ZNF541: variants seen among roughly 807,000 people sequenced by gnomAD.
ZNF541 encodes zinc finger protein 541.
ZNF541 carries 23 observed loss-of-function variants against 123.5 expected under a neutral mutation model. The ratio of observed to expected loss-of-function variants is 0.19; its 90% CI spans 0.13 to 0.26. The LOEUF is 0.26. Ranked by LOEUF, ZNF541 falls within the 10% of genes least tolerant of loss-of-function variation. The pLI, the probability that ZNF541 is intolerant of heterozygous loss-of-function variation, is 1.00. For missense variants in ZNF541, 1,612 were observed against 1,789.9 expected (o/e 0.90, Z 1.79); for synonymous variants, 751 against 754.5 (o/e 1.00, Z 0.08).
rs1241384237 is a variant in ZNF541 at position 47,545,827 on chromosome 19, C to T, written c.702G>A (p.Glu234=). 16 of 1,548,188 alleles carry T rather than the reference C, an allele frequency of 1.0e-5. No homozygotes were observed. The South Asian group carries it at 1.9e-4, about 18-fold the overall frequency. The part of the protein sequence containing the change: ...CILKEAPPEE[E]ACGDSPHAHE... ...GGGCGTGGGGGGAGTCCCCGCAGGC[C>T]TCTTCCTCCGGGGGGGCTTCCTTCA... Residue 234 remains glutamate, a synonymous_variant, in exon 5 of 17, where the codon GAG becomes GAA. Transcript: ENST00000391901. This position sits in a 1 kb window ranked among gnomAD's most constrained non-coding sequence, Gnocchi z 7.5.
At chr19:47,554,201 A>G (rs1280446391) in intron 3 of ZNF541, among the ~76,000 whole-genome samples, 4 of 152,190 alleles carry the variant, frequency 2.6e-5, no homozygotes, top group African/African-American at 7.2e-5. Context: ...TGGAAGGCCA[A>G]GGTAGGCAGA....
intron 14 of ZNF541, among the ~76,000 whole-genome samples, chr19:47,526,685 C>G (rs1315818588): frequency 2.0e-5 from 3 of 152,112 alleles, no homozygotes; most frequent in Non-Finnish European, 2.9e-5. Flanking sequence ...CTGGCCCTAC[C>G]CAGGGCTAGC....
rs1183618157 is a variant in ZNF541, at chr19:47,531,717, G to A, written c.3330C>T (p.Ser1110=). 6.5e-7 allele frequency: 1 copy of A among 1,548,726 alleles called. No homozygotes were observed. The highest frequency in any genetic ancestry group is 1.2e-5 in the South Asian group (1 of 83,900). The part of the protein sequence containing the change: ...RVTELCNVAC[S]SVMPGGGTNL... ...TGGTGCCCCCTCCTGGCATCACGCT[G>A]GAGCATGCCACATTGCAGAGCTCGG... Residue 1110 remains serine, a synonymous_variant, in exon 12 of 17, where the codon TCC becomes TCT. Transcript: ENST00000391901.
At chr19:47,525,023 G>A (rs1410468592) in intron 14 of ZNF541, among the ~76,000 whole-genome samples, 1 of 151,848 alleles carries the variant, frequency 6.6e-6, no homozygotes, top group African/African-American at 2.4e-5. Context: ...GGTGGCTCAC[G>A]CCTGTAATCC....
At position 47,521,022 on chromosome 19, in the gene ZNF541, C is replaced by T. The variant is rs1968998212; in HGVS notation, c.*202G>A. The T allele has an allele frequency of 1.6e-6, 1 of 606,290 alleles. No homozygotes were observed. Among genetic ancestry groups the T allele is most frequent in the Non-Finnish European group, 2.9e-6 (1 of 350,072 alleles). 37.6% of individuals were successfully genotyped at this position (606,290 alleles called of 1,614,324 possible). On this transcript the variant is annotated 3_prime_UTR_variant, in exon 17 of 17. Transcript: ENST00000391901. The surrounding 1 kb of genome is among the most constrained non-coding windows in gnomAD (Gnocchi z 4.2). The stretch of plus-strand genomic sequence containing the variant: ...AAGGAGAGTGGAGCCTCCAGCACCA[C>T]CGGACAGGGACTGCATAGCTGTCCG...
chr19:47,549,439 T>G lies in ZNF541; in HGVS notation c.354A>C (p.Gly118=), dbSNP rs1446914231. ...TCCTGGCACTCCCCGAGGTGGCCCT[T>G]CCTCCTTCGTCAGCCTCTTTAGCCT... ...VLKAKEADEG[G]RATSGSARKG... is the part of the protein sequence containing the mutation. The change falls in exon 4 of 17, where the codon GGA becomes GGC. Residue 118 remains glycine (G), a synonymous_variant. Coordinates refer to ENST00000391901, the MANE Select transcript of ZNF541 (RefSeq NM_001277075.3). 1 of 1,551,634 alleles carries G rather than the reference T, an allele frequency of 6.4e-7. No homozygotes were observed. Among genetic ancestry groups the G allele is most frequent in the Non-Finnish European group, 8.7e-7 (1 of 1,146,984 alleles).
In ZNF541 at chr19:47,568,435, G is replaced by A. The variant is rs954150954; in HGVS notation, c.-99+3461C>T. On this transcript the variant is annotated intron_variant, in intron 2 of 16. Coordinates refer to ENST00000391901, the MANE Select transcript of ZNF541 (RefSeq NM_001277075.3). ...TCTCGGCTCACTGAACCTCCACCTC[G>A]CGGATTCAAGCGATTCTCCCATCTC... Among the ~76,000 whole-genome samples, 5 of 151,694 alleles carry A rather than the reference G, an allele frequency of 3.3e-5. No homozygotes were observed. The South Asian group carries it at 6.3e-4, about 19-fold the overall frequency.
rs142618329 is a variant in ZNF541 at position 47,521,488 on chromosome 19, T to A, written c.3878A>T (p.Glu1293Val). 6.3e-5 allele frequency: 97 copies of A among 1,551,400 alleles called. No individual in the cohort carries two copies. The East Asian group carries it at 9.1e-4, about 14-fold the overall frequency. Residue 1293 changes from glutamate to valine, a missense_variant, in exon 16 of 17, where the codon GAG becomes GTG. Physicochemically the swap from Glu to Val is moderately radical, Grantham distance 121. This residue lies in a region of ZNF541 where 5 missense variants were observed against 30.3 expected (regional missense o/e 0.17). Coordinates refer to ENST00000391901, the MANE Select transcript of ZNF541 (RefSeq NM_001277075.3). The surrounding 1 kb of genome is among the most constrained non-coding windows in gnomAD (Gnocchi z 4.2). The stretch of plus-strand genomic sequence containing the variant: ...GGAGAAAGCTGGGTACCTTTCACAC[T>A]CTCTGCATGGAAAAATGCCCTGGCT... Reference protein sequence around the residue: ...AESQGIFPCRECERVFDKIKS... With the variant: ...AESQGIFPCRVCERVFDKIKS...
At chr19:47,551,091 C>A (rs1291830268) in intron 3 of ZNF541, among the ~76,000 whole-genome samples, 1 of 147,058 alleles carries the variant, frequency 6.8e-6, no homozygotes, top group African/African-American at 2.6e-5. Context: ...TACTCTGTTG[C>A]CCAGGCTAGA....
chr19:47,558,764 T>C (rs1249798341), intron 2 of ZNF541, among the ~76,000 whole-genome samples: 1 of 150,016 alleles, frequency 6.7e-6, no homozygotes, highest in Non-Finnish European at 1.5e-5. Context: ...TTTTTTTTCC[T>C]GAGACAGTTT....
At chr19:47,553,494 C>T (rs1327081134) in intron 3 of ZNF541, among the ~76,000 whole-genome samples, 9 of 151,164 alleles carry the variant, frequency 6.0e-5, no homozygotes, top group Non-Finnish European at 1.0e-4. Context: ...CTGCAACCTC[C>T]GACTCCCTGG....
In ZNF541 at chr19:47,553,168, A is replaced by C. The variant is rs1166074572; in HGVS notation, c.307+2382T>G. Among the ~76,000 whole-genome samples, 3 of 152,118 alleles carry C rather than the reference A, an allele frequency of 2.0e-5. No homozygotes were observed. The East Asian group carries it at 5.8e-4, about 29-fold the overall frequency. ...CACTGAAAAACAGGCAAACAGAGGA[A>C]CTAGCCTGGGAAGTCACTTGATCTT... On this transcript the variant is annotated intron_variant, in intron 3 of 16. Coordinates refer to ENST00000391901, the MANE Select transcript of ZNF541 (RefSeq NM_001277075.3).
intron 14 of ZNF541, 81 bp from the exon 15 acceptor site, chr19:47,522,075 C>T: frequency 6.6e-7 from 1 of 1,515,458 alleles, no homozygotes; most frequent in South Asian, 1.2e-5. Flanking sequence ...CGGCCGCCTC[C>T]TTTGGAAAGC....
chr19:47,557,249 C>T lies in ZNF541; in HGVS notation c.-98-1295G>A, dbSNP rs547170389. 4.6e-5 allele frequency among the ~76,000 whole-genome samples: 7 copies of T among 152,184 alleles called. 1 individual carries two copies. The South Asian group carries it at 1.5e-3, about 32-fold the overall frequency. ...GACACGTGGGTGAGGGAAACAGGGC[C>T]TTGAGTTCCCAGGAAACGGAGGCCT... On this transcript the variant is annotated intron_variant, in intron 2 of 16. Coordinates refer to ENST00000391901, the MANE Select transcript of ZNF541 (RefSeq NM_001277075.3).
Position 47,521,535 on chromosome 19 carries a change from G to A in ZNF541, c.3831C>T (p.Pro1277=), listed in dbSNP as rs1437976554. ...SSPNAGSKRT[P]ELLGSAESQG... is the part of the protein sequence containing the mutation. ...GGCTCTCTGCACTTCCCAACAGCTC[G>A]GGGGTCCGCTTGGAGCCTGCATTTG... Residue 1277 remains proline, a synonymous_variant, in exon 16 of 17, where the codon CCC becomes CCT. Transcript: ENST00000391901. This position sits in a 1 kb window ranked among gnomAD's most constrained non-coding sequence, Gnocchi z 4.2. The A allele has an allele frequency of 2.8e-5, 43 of 1,551,542 alleles. No individual in the cohort carries two copies. The highest frequency in any genetic ancestry group is 1.7e-4 in the Middle Eastern group (1 of 6,014).
At chr19:47,523,338 TTAAAAA>T (rs1415443207) in intron 14 of ZNF541, among the ~76,000 whole-genome samples, 3 of 118,150 alleles carry the variant, frequency 2.5e-5, no homozygotes, top group Non-Finnish European at 4.7e-5. Context: ...AGCGTCTCTT[TTAAAAA>T]AAAAAAAAAA....
chr19:47,550,528 T>C lies in ZNF541; in HGVS notation c.308-1043A>G, dbSNP rs1600040008. ...TCTTTTTGTATAGGTAAATTGTTTA[T>C]ATTTTATGTATCCCTTGGATAAAAT... On this transcript the variant is annotated intron_variant, in intron 3 of 16. Coordinates refer to ENST00000391901, the MANE Select transcript of ZNF541 (RefSeq NM_001277075.3). Among the ~76,000 whole-genome samples, 7 of 152,350 alleles carry C rather than the reference T, an allele frequency of 4.6e-5. 1 individual carries two copies. In the South Asian group the frequency reaches 1.5e-3, roughly 32 times the overall value.
At position 47,539,886 on chromosome 19, in the gene ZNF541, C is replaced by T; in HGVS notation, c.2623-8G>A. 1.3e-6 allele frequency: 2 copies of T among 1,523,472 alleles called. No individual in the cohort carries two copies. The highest frequency in any genetic ancestry group is 1.8e-6 in the Non-Finnish European group (2 of 1,140,092). 94.4% of individuals were successfully genotyped at this position (1,523,472 alleles called of 1,614,324 possible). On this transcript the variant is annotated splice_region_variant and splice_polypyrimidine_tract_variant and intron_variant, in intron 7 of 16. Coordinates refer to ENST00000391901, the MANE Select transcript of ZNF541 (RefSeq NM_001277075.3). ...AAACTCTGTGCCAAACACCTAAACACAGAAGAGAAGAGATGGCTCTTTAAG... is the reference window on the plus strand; with the variant it reads ...AAACTCTGTGCCAAACACCTAAACATAGAAGAGAAGAGATGGCTCTTTAAG...
intron 14 of ZNF541, among the ~76,000 whole-genome samples, chr19:47,522,378 G>A (rs1387728734): frequency 1.3e-5 from 2 of 152,228 alleles, no homozygotes; most frequent in Non-Finnish European, 2.9e-5. Context: ...AGCCTCTAAA[G>A]TCTTGGCAGG....
Sources: allele counts gnomAD v4.1 joint callset (sites outside exome capture counted in the v4.1 genomes callset), GRCh38; gene constraint gnomAD v4.1.1; regional missense constraint gnomAD v4.1.1; non-coding constraint Gnocchi (gnomAD v3.1); transcripts MANE v1.5; gene names NCBI Gene and HGNC (gene_info 2026-07-23, HGNC 2026-07-21).